ADAMTSL3: variants seen among roughly 807,000 people sequenced by gnomAD.
The protein encoded by ADAMTSL3 is ADAMTS like 3.
In ADAMTSL3, 128 loss-of-function variants were observed where a neutral mutation model predicts 201.7. The ratio of observed to expected loss-of-function variants is 0.63; its 90% CI spans 0.55 to 0.73. The LOEUF is 0.73. Ranked by LOEUF, ADAMTSL3 falls within the 30% of genes least tolerant of loss-of-function variation. The probability of loss-of-function intolerance (pLI) is 0.00; values close to 1 mark genes in which losing one functional copy is unlikely to be tolerated. For synonymous variants in ADAMTSL3, 738 were observed against 748.4 expected, an observed-to-expected ratio of 0.99 and a Z score of 0.23; for missense variants, 1,990 against 2,119.6, an observed-to-expected ratio of 0.94 and a Z score of 1.20.
At chr15:83,809,639 G>A (rs750283094) in intron 5 of ADAMTSL3, among the ~76,000 whole-genome samples, 4 of 151,948 alleles carry the variant, frequency 2.6e-5, no homozygotes, top group Non-Finnish European at 4.4e-5. Context: ...ACTATGTGTC[G>A]GCCCCAGGCA....
At chr15:83,955,904 T>C (rs2066852785) in intron 19 of ADAMTSL3, among the ~76,000 whole-genome samples, 1 of 152,008 alleles carries the variant, frequency 6.6e-6, no homozygotes, top group South Asian at 2.1e-4. Context: ...GTAGTGCAGG[T>C]ACTTCCCCAG....
chr15:83,961,004 A>G (rs2066958897), intron 19 of ADAMTSL3, among the ~76,000 whole-genome samples: 1 of 152,324 alleles, frequency 6.6e-6, no homozygotes, highest in East Asian at 1.9e-4. Flanking sequence ...GATAGGTTCT[A>G]TACTTCCAAG....
At chr15:84,027,719 GA>G (rs1027910792) in intron 27 of ADAMTSL3, among the ~76,000 whole-genome samples, 1 of 151,496 alleles carries the variant, frequency 6.6e-6, no homozygotes, top group African/African-American at 2.4e-5. Flanking sequence ...CAAAAAAAAA[GA>G]AAAAAAGAAA....
At chr15:83,925,910 G>A (rs1168359343) in intron 17 of ADAMTSL3, among the ~76,000 whole-genome samples, 3 of 152,122 alleles carry the variant, frequency 2.0e-5, no homozygotes, top group Non-Finnish European at 4.4e-5. Context: ...CAAGGCACAG[G>A]GGAAAATACA....
intron 17 of ADAMTSL3, among the ~76,000 whole-genome samples, chr15:83,930,090 A>T (rs2066328941): frequency 6.6e-6 from 1 of 152,242 alleles, no homozygotes; most frequent in Non-Finnish European, 1.5e-5. Context: ...TGGATCAGGG[A>T]CATGGGATAA....
chr15:83,923,398 A>G (rs2066184373), intron 16 of ADAMTSL3, among the ~76,000 whole-genome samples: 1 of 152,266 alleles, frequency 6.6e-6, no homozygotes, highest in African/African-American at 2.4e-5. Context: ...TTACAGTCAT[A>G]GTGAACAGGA....
intron 2 of ADAMTSL3, 142 bp downstream of exon 2, chr15:83,655,972 A>G: frequency 1.1e-6 from 1 of 913,712 alleles, no homozygotes; most frequent in Admixed American, 2.3e-5. Flanking sequence ...ATCTCTAGCC[A>G]ATGGTATTTC....
chr15:83,792,013 A>G (rs977597661), intron 4 of ADAMTSL3, among the ~76,000 whole-genome samples: 5 of 152,234 alleles, frequency 3.3e-5, no homozygotes, highest in African/African-American at 9.6e-5. Flanking sequence ...AAAAATATGG[A>G]CAAATGGGAT....
intron 3 of ADAMTSL3, among the ~76,000 whole-genome samples, chr15:83,705,797 C>T (rs1263271423): frequency 6.6e-6 from 1 of 152,162 alleles, no homozygotes; most frequent in Non-Finnish European, 1.5e-5. Flanking sequence ...AAGGTCAGGG[C>T]TGTGACCCTC....
Position 83,942,909 on chromosome 15 carries a change from A to C in ADAMTSL3, c.2317A>C (p.Arg773=). ...WHIEEWQQCS[R]TCGGGTQNRR... The stretch of plus-strand genomic sequence containing the variant: ...CCCCCTCTTGTCTTCTTAGTGTTCC[A>C]GGACTTGTGGCGGGGGAACTCAGAA... The change falls in exon 19 of 30, where the codon AGG becomes CGG. Residue 773 remains arginine (R), a synonymous_variant. Coordinates refer to ENST00000286744, the MANE Select transcript of ADAMTSL3 (RefSeq NM_207517.3). The C allele has an allele frequency of 1.2e-6, 2 of 1,612,036 alleles. No homozygotes were observed. Among genetic ancestry groups the C allele is most frequent in the Non-Finnish European group, 1.7e-6 (2 of 1,178,982 alleles).
chr15:83,862,461 T>C (rs1282376110), intron 8 of ADAMTSL3: 1 of 152,192 alleles, frequency 6.6e-6, no homozygotes, highest in Non-Finnish European at 1.5e-5. Context: ...TGGGGGCCAA[T>C]ATTCAAAATT....
At chr15:83,748,668 A>AC (rs2062589596) in intron 3 of ADAMTSL3, among the ~76,000 whole-genome samples, 2 of 151,490 alleles carry the variant, frequency 1.3e-5, no homozygotes, top group African/African-American at 4.9e-5. Flanking sequence ...AAAAAAAAAA[A>AC]AAAATACCAC....
chr15:83,893,386 C>T (rs1239821039), intron 13 of ADAMTSL3, among the ~76,000 whole-genome samples: 1 of 152,012 alleles, frequency 6.6e-6, no homozygotes, highest in Non-Finnish European at 1.5e-5. Flanking sequence ...GCAGTAATGA[C>T]AAGAAGTGAC....
chr15:83,830,779 C>G (rs1211474130), intron 6 of ADAMTSL3, among the ~76,000 whole-genome samples: 2 of 152,174 alleles, frequency 1.3e-5, no homozygotes, highest in African/African-American at 2.4e-5. Context: ...TTCCTTGCCT[C>G]TCTTCCAGCT....
At chr15:83,930,690 C>G (rs940884380) in intron 17 of ADAMTSL3, among the ~76,000 whole-genome samples, 2 of 152,144 alleles carry the variant, frequency 1.3e-5, no homozygotes, top group African/African-American at 4.8e-5. Context: ...AAAGGAAATA[C>G]TATTCCTCAT....
At chr15:83,872,579 C>G (rs574441909) in intron 9 of ADAMTSL3, among the ~76,000 whole-genome samples, 2 of 146,654 alleles carry the variant, frequency 1.4e-5, no homozygotes, top group South Asian at 4.3e-4. Flanking sequence ...CTATGTGATT[C>G]TCAAGTAGAA....
intron 2 of ADAMTSL3, among the ~76,000 whole-genome samples, chr15:83,676,772 G>C (rs1473816915): frequency 6.6e-6 from 1 of 152,204 alleles, no homozygotes; most frequent in Non-Finnish European, 1.5e-5. Flanking sequence ...TCCTGAATGA[G>C]ATCAATGCCC....
At chr15:83,734,298 T>G (rs2062334847) in intron 3 of ADAMTSL3, among the ~76,000 whole-genome samples, 1 of 152,154 alleles carries the variant, frequency 6.6e-6, no homozygotes, top group East Asian at 1.9e-4. Context: ...ATTGTAAGAT[T>G]TTATTGAGTT....
At chr15:83,772,053 C>T (rs1280548154) in intron 3 of ADAMTSL3, among the ~76,000 whole-genome samples, 1 of 152,044 alleles carries the variant, frequency 6.6e-6, no homozygotes, top group East Asian at 1.9e-4. Flanking sequence ...GGGGTTTTGC[C>T]ATGTTGCCCA....
Sources: allele counts gnomAD v4.1 joint callset (sites outside exome capture counted in the v4.1 genomes callset), GRCh38; gene constraint gnomAD v4.1.1; transcripts MANE v1.5; gene names NCBI Gene and HGNC (gene_info 2026-07-23, HGNC 2026-07-21).